DACH2: variants seen among roughly 807,000 people sequenced by gnomAD.
The protein encoded by DACH2 is dachshund family transcription factor 2, also known as dachshund homolog 2.
DACH2 carries 17 observed loss-of-function variants against 35.8 expected under a neutral mutation model. The observed-to-expected ratio is 0.48, with a 90% CI of 0.33 to 0.71. DACH2 has a LOEUF of 0.71. Among genes scored for constraint, DACH2 ranks in the 30% least tolerant of loss-of-function variants. DACH2 has a pLI of 0.02. For synonymous variants in DACH2, 195 were observed against 177.3 expected, an observed-to-expected ratio of 1.10 and a Z score of -0.79; for missense variants, 469 against 472.7, an observed-to-expected ratio of 0.99 and a Z score of 0.07.
intron 7 of DACH2, among the ~76,000 whole-genome samples, chrX:86,781,018 T>C (rs1056856294): frequency 2.2e-4 from 25 of 111,141 alleles, no homozygotes; most frequent in African/African-American, 8.2e-4. Context: ...TCATCAGAGT[T>C]TATAAACTCA....
intron 3 of DACH2, among the ~76,000 whole-genome samples, chrX:86,619,880 C>T (rs1251954698): frequency 8.9e-6 from 1 of 112,091 alleles, no homozygotes; most frequent in Non-Finnish European, 1.9e-5. Context: ...TAAATGCTTA[C>T]ACTACAAAGC....
chrX:86,687,695 T>C (rs1475037747), intron 4 of DACH2, among the ~76,000 whole-genome samples: 1 of 111,698 alleles, frequency 9.0e-6, no homozygotes, highest in Non-Finnish European at 1.9e-5. Context: ...ATATACACCA[T>C]GGAATACTAT....
chrX:86,288,395 C>T (rs2034198235), intron 1 of DACH2, among the ~76,000 whole-genome samples: 1 of 111,668 alleles, frequency 9.0e-6, no homozygotes, highest in Non-Finnish European at 1.9e-5. Context: ...CTGGTTACTG[C>T]CTATGTTTGC....
intron 2 of DACH2, among the ~76,000 whole-genome samples, chrX:86,502,866 T>A (rs2038271439): frequency 8.9e-6 from 1 of 112,059 alleles, no homozygotes; most frequent in African/African-American, 3.2e-5. Flanking sequence ...TTGTGAGATT[T>A]TTTTTTCTCA....
intron 7 of DACH2, among the ~76,000 whole-genome samples, chrX:86,752,788 A>G (rs914597811): frequency 6.3e-5 from 7 of 111,607 alleles, no homozygotes; most frequent in African/African-American, 2.3e-4. Context: ...CTGTGTTATG[A>G]TAGAGAAGAG....
chrX:86,288,625 T>C (rs1205849309), intron 1 of DACH2, among the ~76,000 whole-genome samples: 1 of 111,750 alleles, frequency 8.9e-6, no homozygotes, highest in Non-Finnish European at 1.9e-5. Context: ...CACTCTTCCC[T>C]CCCTTTCTTA....
At chrX:86,197,975 A>G (rs1372463234) in intron 1 of DACH2, among the ~76,000 whole-genome samples, 2 of 112,069 alleles carry the variant, frequency 1.8e-5, no homozygotes. Flanking sequence ...TCTCATTGCT[A>G]CATGGTACAT....
chrX:86,206,811 G>A lies in DACH2; in HGVS notation c.488+57703G>A, dbSNP rs753492538. Among the ~76,000 whole-genome samples the A allele has an allele frequency of 7.1e-5, 8 of 111,949 alleles. No individual in the cohort carries two copies. In the East Asian group the frequency reaches 8.5e-4, roughly 12 times the overall value. ...CCCCACCATAGTTTTCAAACCTAGC[G>A]TGTTGCCCACACATGAAATCGATGT... On this transcript the variant is annotated intron_variant, in intron 1 of 11. Transcript: ENST00000373125.
chrX:86,659,976 C>T (rs988429141), intron 4 of DACH2, among the ~76,000 whole-genome samples: 7 of 111,117 alleles, frequency 6.3e-5, no homozygotes, highest in African/African-American at 2.0e-4. Flanking sequence ...GTTCTGAACC[C>T]TTCCTTAGAA....
intron 3 of DACH2, among the ~76,000 whole-genome samples, chrX:86,524,847 T>C (rs2038608558): frequency 9.0e-6 from 1 of 111,173 alleles, no homozygotes; most frequent in Non-Finnish European, 1.9e-5. Context: ...GTGATGGTGA[T>C]GGTGATGATG....
chrX:86,651,714 G>T (rs1054839124), intron 4 of DACH2, among the ~76,000 whole-genome samples: 1 of 111,924 alleles, frequency 8.9e-6, no homozygotes, highest in Non-Finnish European at 1.9e-5. Context: ...AGAGTGGAAA[G>T]TCCTCTCCTC....
At chrX:86,668,130 CT>C (rs1202426829) in intron 4 of DACH2, among the ~76,000 whole-genome samples, 1 of 111,896 alleles carries the variant, frequency 8.9e-6, no homozygotes, top group Non-Finnish European at 1.9e-5. Context: ...ATAACTTTGT[CT>C]TATTGAATCA....
chrX:86,606,609 A>T (rs901252729), intron 3 of DACH2, among the ~76,000 whole-genome samples: 1 of 111,236 alleles, frequency 9.0e-6, no homozygotes, highest in Non-Finnish European at 1.9e-5. Context: ...GTGACCTAAC[A>T]TGTTGTCTGG....
intron 2 of DACH2, among the ~76,000 whole-genome samples, chrX:86,392,614 G>A (rs771361222): frequency 3.0e-4 from 33 of 111,429 alleles, no homozygotes; most frequent in Admixed American, 1.7e-3. Context: ...ATGACCAAAG[G>A]CAAAGAGCTA....
intron 1 of DACH2, among the ~76,000 whole-genome samples, chrX:86,376,066 C>G (rs1004785962): frequency 9.2e-6 from 1 of 108,957 alleles, no homozygotes; most frequent in African/African-American, 3.3e-5. Flanking sequence ...GTTAACAAGG[C>G]TAATTATGTG....
chrX:86,689,793 T>C (rs1183295746), intron 4 of DACH2, among the ~76,000 whole-genome samples: 1 of 112,057 alleles, frequency 8.9e-6, no homozygotes, highest in East Asian at 2.8e-4. Context: ...GTTAAGGCCA[T>C]AGTTTTGAAT....
At chrX:86,232,267 C>A (rs896128954) in intron 1 of DACH2, among the ~76,000 whole-genome samples, 6 of 111,960 alleles carry the variant, frequency 5.4e-5, no homozygotes, top group African/African-American at 1.9e-4. Context: ...ACAACCTAAG[C>A]AATACCATTC....
At position 86,537,014 on chromosome X, in the gene DACH2, T is replaced by C. The variant is rs186136960; in HGVS notation, c.640+22623T>C. ...TTTAGTGGAAGCTCTCTGTGGTGGC[T>C]CCACCACCATGACAAGTCTTTGCCT... On this transcript the variant is annotated intron_variant, in intron 3 of 11. Coordinates refer to ENST00000373125, the MANE Select transcript of DACH2 (RefSeq NM_053281.3). 5.4e-5 allele frequency among the ~76,000 whole-genome samples: 6 copies of C among 111,740 alleles called. No homozygotes were observed. In the East Asian group the frequency reaches 1.7e-3, roughly 32 times the overall value.
intron 2 of DACH2, among the ~76,000 whole-genome samples, chrX:86,484,918 G>A (rs73504007): frequency 0.077 from 8,530 of 111,169 alleles, 768 homozygotes; most frequent in African/African-American, 0.26. Flanking sequence ...CATATTGTTG[G>A]GAGGTTAATA....
Sources: gnomAD v4.1 joint callset for allele counts (sites outside exome capture counted in the v4.1 genomes callset) on GRCh38, gnomAD v4.1.1 for gene constraint, MANE v1.5 for transcripts, NCBI Gene and HGNC (gene_info 2026-07-23, HGNC 2026-07-21) for gene names.